RYR1: variants seen among roughly 807,000 people sequenced by gnomAD.
The protein encoded by RYR1 is central core disease of muscle.
A neutral mutation model predicts 583.5 loss-of-function variants in RYR1; 342 were observed. The ratio of observed to expected loss-of-function variants is 0.59; its 90% CI spans 0.54 to 0.64. The LOEUF (loss-of-function observed/expected upper bound fraction) is 0.64. Ranked by LOEUF, RYR1 falls within the 30% of genes least tolerant of loss-of-function variation. The probability of loss-of-function intolerance (pLI) is 0.00; values close to 1 mark genes in which losing one functional copy is unlikely to be tolerated. For synonymous variants in RYR1, 2,791 were observed against 2,822.5 expected, an observed-to-expected ratio of 0.99 and a Z score of 0.35; for missense variants, 6,032 against 6,917.2, an observed-to-expected ratio of 0.87 and a Z score of 4.54.
At chr19:38,560,999 C>G in intron 89 of RYR1, 114 bp from the exon 90 acceptor site, 1 of 945,888 alleles carries the variant, frequency 1.1e-6, no homozygotes, top group Non-Finnish European at 1.6e-6. Flanking sequence ...TGTGATTGCG[C>G]CACTGCACTC....
At position 38,582,161 on chromosome 19, in the gene RYR1, G is replaced by C. The variant is rs907742232; in HGVS notation, c.14646+1657G>C. ...GCCTGTAATCCCAGCACTTTGGGGG[G>C]CTGAGGGGGGCAGATTACCTGAGGT... On this transcript the variant is annotated intron_variant, in intron 101 of 105. Transcript: ENST00000359596. Among the ~76,000 whole-genome samples, 11 of 152,234 alleles carry C rather than the reference G, an allele frequency of 7.2e-5. 1 individual carries two copies. The East Asian group carries it at 2.1e-3, about 29-fold the overall frequency.
At chr19:38,448,555 T>G in intron 10 of RYR1, 44 bp downstream of exon 10, 1 of 1,614,044 alleles carries the variant, frequency 6.2e-7, no homozygotes, top group South Asian at 1.1e-5. Context: ...AAGCCCCCAG[T>G]CCCAGCCCAG....
intron 25 of RYR1, among the ~76,000 whole-genome samples, chr19:38,468,749 G>C (rs1209215285): frequency 6.6e-6 from 1 of 152,202 alleles, no homozygotes; most frequent in African/African-American, 2.4e-5. Context: ...CAGAAGGGAT[G>C]AGACACAGAG....
rs1446286836 is a variant in RYR1 at position 38,536,227 on chromosome 19, C to T, written c.11590+157C>T. ...CCTCCCTCTGCTGTGGTCCCCCAGT[C>T]CCACCCCCTCCATCCCCCTGGGGTC... On this transcript the variant is annotated intron_variant, in intron 82 of 105. Coordinates refer to ENST00000359596, the MANE Select transcript of RYR1 (RefSeq NM_000540.3). Among the ~76,000 whole-genome samples the T allele has an allele frequency of 3.3e-5, 4 of 121,698 alleles. No individual in the cohort carries two copies. In the East Asian group the frequency reaches 1.1e-3, roughly 34 times the overall value. The allele number at this position is 121,698 out of a possible 152,430, so 79.8% of individuals were successfully genotyped here.
At chr19:38,571,130 G>A (rs1199251699) in intron 94 of RYR1, among the ~76,000 whole-genome samples, 1 of 152,208 alleles carries the variant, frequency 6.6e-6, no homozygotes, top group African/African-American at 2.4e-5. Context: ...GCCTCCTGAA[G>A]GACAAAGGGA....
Position 38,532,560 on chromosome 19 carries a change from C to G in RYR1, c.11193+19C>G. 5 of 1,614,126 alleles carry G rather than the reference C, an allele frequency of 3.1e-6. No homozygotes were observed. The South Asian group carries it at 5.5e-5, about 18-fold the overall frequency. ...GGCAAAGGTGAGGCCCTACCCCCCTCTTCTGGGGCAGATTTCCCTCTCCCC... is the reference window on the plus strand; with the variant it reads ...GGCAAAGGTGAGGCCCTACCCCCCTGTTCTGGGGCAGATTTCCCTCTCCCC... On this transcript the variant is annotated intron_variant, in intron 77 of 105. Coordinates refer to ENST00000359596, the MANE Select transcript of RYR1 (RefSeq NM_000540.3).
In RYR1 at chr19:38,469,450, C is replaced by T. The variant is rs1600720232; in HGVS notation, c.3702C>T (p.Thr1234=). The part of the protein sequence containing the change: ...PFAINMQRPV[T]TWFSKGLPQF... ...CCATCAACATGCAGCGCCCAGTCAC[C>T]ACCTGGTTCAGCAAAGGCCTGCCCC... Residue 1234 remains threonine (T), a synonymous_variant, in exon 27 of 106, where the codon ACC becomes ACT. Transcript: ENST00000359596. 6.2e-7 allele frequency: 1 copy of T among 1,614,210 alleles called. No individual in the cohort carries two copies. The highest frequency in any genetic ancestry group is 8.5e-7 in the Non-Finnish European group (1 of 1,180,036).
chr19:38,519,464 G>A lies in RYR1; in HGVS notation c.10259+10G>A, dbSNP rs187018043. 1.5e-5 allele frequency: 24 copies of A among 1,586,328 alleles called. No homozygotes were observed. The East Asian group carries it at 4.9e-4, about 33-fold the overall frequency. On this transcript the variant is annotated intron_variant, in intron 67 of 105. Transcript: ENST00000359596. The stretch of plus-strand genomic sequence containing the variant: ...ACGTGGACAACAACAGGTCAGCGGG[G>A]CCCCGCTGTCCCCATGCCCTCCGCC...
intron 11 of RYR1, among the ~76,000 whole-genome samples, chr19:38,451,403 C>CG (rs1568443512): frequency 6.6e-6 from 1 of 150,390 alleles, no homozygotes; most frequent in African/African-American, 2.5e-5. Flanking sequence ...GCTTTCTGGT[C>CG]GGGGGGAATG....
chr19:38,457,904 T>A (rs1967502058), intron 17 of RYR1, 147 bp from the exon 18 acceptor site: 1 of 886,498 alleles, frequency 1.1e-6, no homozygotes, highest in African/African-American at 1.6e-5. Context: ...TGTTTCTGTC[T>A]TGATTCTTCC....
chr19:38,452,934 C>G lies in RYR1; in HGVS notation c.1360C>G (p.Pro454Ala). ...GGACCTCATCATCTACTTCGAGCCTCCCTCCGAGGACTTGCAGCACGAGGA... is the reference window on the plus strand; with the variant it reads ...GGACCTCATCATCTACTTCGAGCCTGCCTCCGAGGACTTGCAGCACGAGGA... ...LQDLIIYFEP[P>A]SEDLQHEEKQ... Residue 454 changes from proline to alanine, a missense_variant, in exon 13 of 106, where the codon CCC (proline) becomes GCC (alanine). Physicochemically the swap from Pro to Ala is conservative, Grantham distance 27. This residue lies in a region of RYR1 where 2,627 missense variants were observed against 2,961.3 expected (regional missense o/e 0.89). Coordinates refer to ENST00000359596, the MANE Select transcript of RYR1 (RefSeq NM_000540.3). 1 of 1,614,012 alleles carries G rather than the reference C, an allele frequency of 6.2e-7. No homozygotes were observed. The highest frequency in any genetic ancestry group is 1.1e-5 in the South Asian group (1 of 91,062).
intron 58 of RYR1, among the ~76,000 whole-genome samples, chr19:38,509,513 C>T (rs965498987): frequency 1.4e-5 from 2 of 144,440 alleles, no homozygotes; most frequent in Non-Finnish European, 3.0e-5. Context: ...ACTGCAGTGG[C>T]GCGATCTCAG....
rs1164159550 is a variant in RYR1, at chr19:38,502,571, C to G, written c.7679C>G (p.Pro2560Arg). Residue 2560 changes from proline to arginine, a missense_variant, in exon 48 of 106, where the codon CCG (proline) becomes CGG (arginine). By Grantham distance (103) the Pro-to-Arg change is moderately radical (BLOSUM62 -2). Around this residue, in one of 11 missense-constraint regions of RYR1, gnomAD observed 250 missense variants for 162.3 expected, o/e 1.54. Coordinates refer to ENST00000359596, the MANE Select transcript of RYR1 (RefSeq NM_000540.3). ...LNRYLCLAVL[P>R]LITKCAPLFA... is the part of the protein sequence containing the mutation. Reference sequence around the variant, plus strand: ...CGCTACCTGTGCCTGGCCGTGCTGCCGCTCATCACCAAGTGTGCGCCGCTC... The same window carrying G: ...CGCTACCTGTGCCTGGCCGTGCTGCGGCTCATCACCAAGTGTGCGCCGCTC... 6.2e-7 allele frequency: 1 copy of G among 1,612,184 alleles called. No homozygotes were observed. The highest frequency in any genetic ancestry group is 8.5e-7 in the Non-Finnish European group (1 of 1,179,900).
Position 38,451,800 on chromosome 19 carries a change from C to T in RYR1, c.1159C>T (p.Leu387=). ...LHQEGHMDDA[L]SLTRCQQEES... Reference sequence around the variant, plus strand: ...CCAGGAGGGCCACATGGACGACGCACTGTCGCTGACCCGCTGCCAGCAGGA... The same window carrying T: ...CCAGGAGGGCCACATGGACGACGCATTGTCGCTGACCCGCTGCCAGCAGGA... Residue 387 remains leucine, a synonymous_variant, in exon 12 of 106, where the codon CTG becomes TTG. Transcript: ENST00000359596. 1 of 1,614,162 alleles carries T rather than the reference C, an allele frequency of 6.2e-7. No individual in the cohort carries two copies. Among genetic ancestry groups the T allele is most frequent in the Admixed American group, 1.7e-5 (1 of 60,012 alleles).
At chr19:38,463,723 G>A in intron 21 of RYR1, 24 bp from the exon 22 acceptor site, 1 of 1,604,898 alleles carries the variant, frequency 6.2e-7, no homozygotes, top group South Asian at 1.1e-5. Flanking sequence ...GGAGCACATG[G>A]AGTTGACCCT....
intron 50 of RYR1, among the ~76,000 whole-genome samples, 180 bp from the exon 51 acceptor site, chr19:38,504,568 A>T (rs1171971968): frequency 6.6e-6 from 1 of 152,056 alleles, no homozygotes; most frequent in African/African-American, 2.4e-5. Flanking sequence ...TGGAGAGGGC[A>T]ATATGGGGAT....
In RYR1 at chr19:38,561,156, T is replaced by C; in HGVS notation, c.12326T>C (p.Phe4109Ser). ...CAGTTCAGCGGTCCAGAAATCCAGT[T>C]CCTGCTTTCGTGCTCCGAAGCGGAT... ...QKQFSGPEIQFLLSCSEADEN... is the reference protein window; with the variant it reads ...QKQFSGPEIQSLLSCSEADEN... The change falls in exon 90 of 106, where the codon TTC becomes TCC. Residue 4109 changes from phenylalanine (F) to serine (S), a missense_variant. This residue lies in a region of RYR1 where 753 missense variants were observed against 759.6 expected (regional missense o/e 0.99). Coordinates refer to ENST00000359596, the MANE Select transcript of RYR1 (RefSeq NM_000540.3). The surrounding 1 kb of genome is among the most constrained non-coding windows in gnomAD (Gnocchi z 4.8). 1 of 1,614,094 alleles carries C rather than the reference T, an allele frequency of 6.2e-7. No individual in the cohort carries two copies. The highest frequency in any genetic ancestry group is 8.5e-7 in the Non-Finnish European group (1 of 1,180,024).
Position 38,561,157 on chromosome 19 carries a change from C to T in RYR1, c.12327C>T (p.Phe4109=), listed in dbSNP as rs1046534917. The stretch of plus-strand genomic sequence containing the variant: ...AGTTCAGCGGTCCAGAAATCCAGTT[C>T]CTGCTTTCGTGCTCCGAAGCGGATG... ...QKQFSGPEIQ[F]LLSCSEADEN... The change falls in exon 90 of 106, where the codon TTC becomes TTT. Residue 4109 remains phenylalanine, a synonymous_variant. Transcript: ENST00000359596. The surrounding 1 kb of genome is among the most constrained non-coding windows in gnomAD (Gnocchi z 4.8). The T allele has an allele frequency of 1.9e-6, 3 of 1,614,204 alleles. No individual in the cohort carries two copies. Among genetic ancestry groups the T allele is most frequent in the East Asian group, 2.2e-5 (1 of 44,894 alleles).
chr19:38,557,217 C>G (rs1360948629), intron 89 of RYR1, among the ~76,000 whole-genome samples: 1 of 151,946 alleles, frequency 6.6e-6, no homozygotes, highest in Non-Finnish European at 1.5e-5. Context: ...CGGCGCCCAG[C>G]CTCTTAGTTT....
Sources: gnomAD v4.1 joint callset for allele counts (sites outside exome capture counted in the v4.1 genomes callset) on GRCh38, gnomAD v4.1.1 for gene constraint, gnomAD v4.1.1 regional missense constraint, Gnocchi (gnomAD v3.1) non-coding constraint, MANE v1.5 for transcripts, NCBI Gene and HGNC (gene_info 2026-07-23, HGNC 2026-07-21) for gene names.